Variants in KLHL1 observed in about 807,000 individuals in gnomAD.
KLHL1 encodes the protein kelch like family member 1, also known as kelch-like protein 1.
A neutral mutation model predicts 77.7 loss-of-function variants in KLHL1; 47 were observed. The observed-to-expected ratio is 0.60, with a 90% CI of 0.48 to 0.77. The LOEUF is 0.77. Ranked by LOEUF, KLHL1 falls within the 30% of genes least tolerant of loss-of-function variation. The pLI is 0.00. For missense variants in KLHL1, 925 were observed against 910.8 expected (o/e 1.02, Z -0.20); for synonymous variants, 360 against 325.2 (o/e 1.11, Z -1.15).
chr13:69,872,586 C>T (rs529852529), intron 5 of KLHL1, among the ~76,000 whole-genome samples: 131 of 152,264 alleles, frequency 8.6e-4, no homozygotes, highest in Non-Finnish European at 1.6e-3. Flanking sequence ...ACCCTCTCCC[C>T]TCTCTATCAC....
intron 1 of KLHL1, among the ~76,000 whole-genome samples, chr13:70,066,951 A>C (rs1263209574): frequency 6.6e-6 from 1 of 152,218 alleles, no homozygotes. Context: ...TTACGATTCC[A>C]GGAGCATAAG....
chr13:69,769,972 C>T (rs1002828663), intron 7 of KLHL1, among the ~76,000 whole-genome samples: 6 of 152,082 alleles, frequency 3.9e-5, no homozygotes, highest in African/African-American at 1.2e-4. Context: ...CAGTGGTGAC[C>T]CTTCTGGGTC....
chr13:69,787,817 A>T (rs1876638465), intron 7 of KLHL1, among the ~76,000 whole-genome samples: 1 of 141,124 alleles, frequency 7.1e-6, no homozygotes, highest in Admixed American at 7.3e-5. Flanking sequence ...CAAGAAAAAA[A>T]CAAACAACCC....
chr13:69,801,836 C>A (rs1352089654), intron 6 of KLHL1, among the ~76,000 whole-genome samples: 1 of 152,024 alleles, frequency 6.6e-6, no homozygotes, highest in Admixed American at 6.6e-5. Context: ...AGAAATAATT[C>A]CTACAATGCC....
intron 1 of KLHL1, among the ~76,000 whole-genome samples, chr13:70,102,181 C>A (rs1440869265): frequency 6.6e-6 from 1 of 152,104 alleles, no homozygotes; most frequent in Non-Finnish European, 1.5e-5. Context: ...GTACATGTCC[C>A]ACTAATCTCC....
In KLHL1 at chr13:69,867,914, A is replaced by G. The variant is rs534956276; in HGVS notation, c.1227+14369T>C. On this transcript the variant is annotated intron_variant, in intron 5 of 10. Transcript: ENST00000377844. ...TATACCTAATGTTAAATAACGAGTTAATGGGTGCAGCACACCAACATGAAA... is the reference window on the plus strand; with the variant it reads ...TATACCTAATGTTAAATAACGAGTTGATGGGTGCAGCACACCAACATGAAA... 1.9e-3 allele frequency among the ~76,000 whole-genome samples: 287 copies of G among 151,982 alleles called. 1 individual carries two copies. The highest frequency in any genetic ancestry group is 3.4e-3 in the Non-Finnish European group (231 of 67,962).
intron 1 of KLHL1, among the ~76,000 whole-genome samples, chr13:70,024,620 T>TTCTTTCTC (rs1885886701): frequency 7.7e-6 from 1 of 130,288 alleles, no homozygotes; most frequent in Non-Finnish European, 1.7e-5. Context: ...GAGAAAAGAT[T>TTCTTTCTC]TCTCTCTCTC....
chr13:69,780,731 TACATATATATATACATATATATATATAC>T (rs1876131831), intron 7 of KLHL1, among the ~76,000 whole-genome samples: 1 of 75,332 alleles, frequency 1.3e-5, no homozygotes, highest in Non-Finnish European at 2.7e-5. Context: ...TATATATATA[TACATATATATATACATATATATATATAC>T]ACACACATTT....
intron 7 of KLHL1, among the ~76,000 whole-genome samples, chr13:69,748,590 C>A (rs948243253): frequency 5.9e-5 from 9 of 151,844 alleles, no homozygotes; most frequent in African/African-American, 1.9e-4. Flanking sequence ...GGTCACAGAG[C>A]CAGACCATAT....
chr13:69,849,756 T>C (rs545248729), intron 5 of KLHL1, among the ~76,000 whole-genome samples: 1 of 151,582 alleles, frequency 6.6e-6, no homozygotes, highest in Middle Eastern at 3.4e-3. Context: ...TTATTGTTGG[T>C]ACCACTAACA....
At chr13:69,748,561 C>G (rs1326791493) in intron 7 of KLHL1, among the ~76,000 whole-genome samples, 1 of 151,916 alleles carries the variant, frequency 6.6e-6, no homozygotes, top group Non-Finnish European at 1.5e-5. Flanking sequence ...GAGTATAATT[C>G]AAGATGAGAT....
chr13:69,794,944 A>G (rs1160861491), intron 7 of KLHL1, among the ~76,000 whole-genome samples: 2 of 152,204 alleles, frequency 1.3e-5, no homozygotes, highest in African/African-American at 4.8e-5. Context: ...AAGTCCCTGG[A>G]AGATGGAAGG....
At chr13:69,999,139 CATATGT>C (rs1225442975) in intron 1 of KLHL1, among the ~76,000 whole-genome samples, 3 of 151,984 alleles carry the variant, frequency 2.0e-5, no homozygotes, top group African/African-American at 7.2e-5. Flanking sequence ...TATTATGTAG[CATATGT>C]ATATGTATTA....
At chr13:69,762,267 G>A (rs1875063601) in intron 7 of KLHL1, among the ~76,000 whole-genome samples, 1 of 152,064 alleles carries the variant, frequency 6.6e-6, no homozygotes, top group African/African-American at 2.4e-5. Flanking sequence ...TTGGTCAAAG[G>A]TATTGATGAT....
intron 7 of KLHL1, among the ~76,000 whole-genome samples, chr13:69,775,365 A>C (rs2137990584): frequency 6.6e-6 from 1 of 152,300 alleles, no homozygotes; most frequent in Admixed American, 6.5e-5. Flanking sequence ...AGCATCTATT[A>C]ATATAATAAT....
At chr13:69,862,540 T>C (rs12868155) in intron 5 of KLHL1, among the ~76,000 whole-genome samples, 48,454 of 152,002 alleles carry the variant, frequency 0.32, 8,233 homozygotes, top group African/African-American at 0.45. Flanking sequence ...TTAAAGTAAG[T>C]GTAAGGCAAA....
intron 8 of KLHL1, among the ~76,000 whole-genome samples, chr13:69,732,055 G>A (rs896308506): frequency 1.3e-5 from 2 of 152,144 alleles, no homozygotes; most frequent in Admixed American, 1.3e-4. Flanking sequence ...TTATAAAGGT[G>A]ATTGGAAGGA....
At chr13:69,797,021 C>CAAA in intron 6 of KLHL1, 59 bp from the exon 7 acceptor site, 3 of 1,359,986 alleles carry the variant, frequency 2.2e-6, no homozygotes, top group Non-Finnish European at 3.1e-6. Context: ...AACAGCCTGC[C>CAAA]AAAGCAGGGT....
chr13:69,919,086 C>T (rs1593949311), intron 4 of KLHL1, among the ~76,000 whole-genome samples: 1 of 152,126 alleles, frequency 6.6e-6, no homozygotes, highest in East Asian at 1.9e-4. Flanking sequence ...TGTCTAACAC[C>T]ATAATGGTCT....
Sources: allele counts gnomAD v4.1 joint callset (sites outside exome capture counted in the v4.1 genomes callset), GRCh38; gene constraint gnomAD v4.1.1; transcripts MANE v1.5; gene names NCBI Gene and HGNC (gene_info 2026-07-23, HGNC 2026-07-21).